The following COA1 variants were observed in gnomAD, a reference collection of about 807,000 sequenced individuals.
COA1 encodes the protein cytochrome c oxidase assembly factor 1.
A neutral mutation model predicts 16.0 loss-of-function variants in COA1; 13 were observed. That is an observed-to-expected ratio of 0.81 (90% CI 0.53 to 1.29). COA1 has a LOEUF of 1.29. COA1 is among the 50% of genes most tolerant of loss of function. The pLI, the probability that COA1 is intolerant of heterozygous loss-of-function variation, is 0.00. For synonymous variants in COA1, 65 were observed against 65.7 expected (o/e 0.99, Z 0.05); for missense variants, 179 against 177.0 (o/e 1.01, Z -0.06).
chr7:43,644,074 C>T (rs2087991191), intron 4 of COA1, among the ~76,000 whole-genome samples: 1 of 152,140 alleles, frequency 6.6e-6, no homozygotes, highest in South Asian at 2.1e-4. Flanking sequence ...TGTGCCTCCA[C>T]TGCCGTATCA....
chr7:43,674,408 C>A (rs1426036558), intron 1 of COA1, among the ~76,000 whole-genome samples: 1 of 152,138 alleles, frequency 6.6e-6, no homozygotes, highest in Non-Finnish European at 1.5e-5. Flanking sequence ...TCTCATGTTC[C>A]ATATAATACA....
intron 1 of COA1, among the ~76,000 whole-genome samples, chr7:43,689,799 GTATTACTTAAATGTAATGGCA>G (rs2094193877): frequency 6.6e-6 from 1 of 152,098 alleles, no homozygotes; most frequent in South Asian, 2.1e-4. Context: ...ATGAAATAGT[GTATTACTTAAATGTAATGGCA>G]TATTACTTAA....
intron 1 of COA1, among the ~76,000 whole-genome samples, chr7:43,700,590 A>ATGTGTGTG (rs1563415584): frequency 2.5e-4 from 11 of 44,512 alleles, no homozygotes; most frequent in African/African-American, 9.9e-4. Flanking sequence ...GTGTATATAT[A>ATGTGTGTG]CGTGTGTGTG....
chr7:43,661,903 A>T (rs1266217424), intron 1 of COA1, among the ~76,000 whole-genome samples: 1 of 152,236 alleles, frequency 6.6e-6, no homozygotes, highest in Non-Finnish European at 1.5e-5. Context: ...ATGAATATGA[A>T]TTTTTGTTAT....
chr7:43,663,687 A>AAAAAC (rs1554519874), intron 1 of COA1, among the ~76,000 whole-genome samples: 2 of 129,264 alleles, frequency 1.5e-5, no homozygotes, highest in Non-Finnish European at 3.4e-5. Context: ...AAAAAAAAAA[A>AAAAAC]ACACACACAC....
chr7:43,639,607 T>G lies in COA1; in HGVS notation c.416A>C (p.Asn139Thr), dbSNP rs775267037. The G allele has an allele frequency of 1.7e-5, 27 of 1,613,606 alleles. No homozygotes were observed. The highest frequency in any genetic ancestry group is 2.2e-5 in the Non-Finnish European group (26 of 1,179,772). Residue 139 changes from asparagine (N) to threonine (T), a missense_variant, in exon 6 of 6, where the codon AAC becomes ACC. By Grantham distance (65) the Asn-to-Thr change is moderately conservative. Transcript: ENST00000223336. ...CTACTCCTTTTTCACTTCATCACCG[T>G]TTTCCCCACTGAGCTTGAACACAGG... ...QIPVFKLSGE[N>T]GDEVKKE
intron 1 of COA1, among the ~76,000 whole-genome samples, chr7:43,717,399 G>C (rs569546729): frequency 9.1e-4 from 138 of 152,300 alleles, no homozygotes; most frequent in South Asian, 5.8e-3. Flanking sequence ...TTTAAAATTT[G>C]ACTGCCCCGC....
chr7:43,624,137 G>A (rs985147757), intron 6 of COA1, among the ~76,000 whole-genome samples: 10 of 152,056 alleles, frequency 6.6e-5, no homozygotes, highest in African/African-American at 2.4e-4. Context: ...AGTATAACAG[G>A]ATTTAAATAT....
At chr7:43,728,952 T>C (rs529718279) in intron 1 of COA1, among the ~76,000 whole-genome samples, 7 of 152,354 alleles carry the variant, frequency 4.6e-5, no homozygotes, top group South Asian at 2.1e-4. Flanking sequence ...AAAATCACTT[T>C]TGCAGTCAGC....
At chr7:43,682,965 C>T (rs2093837113) in intron 1 of COA1, among the ~76,000 whole-genome samples, 2 of 152,178 alleles carry the variant, frequency 1.3e-5, no homozygotes, top group African/African-American at 4.8e-5. Flanking sequence ...TCTTGTGCCT[C>T]AGCCTCCTGA....
At chr7:43,672,976 G>C (rs540810076) in intron 1 of COA1, among the ~76,000 whole-genome samples, 1 of 152,108 alleles carries the variant, frequency 6.6e-6, no homozygotes, top group African/African-American at 2.4e-5. Context: ...ACAGAAGATT[G>C]AAACTGGACT....
In COA1 at chr7:43,690,449, A is replaced by T. The variant is rs377268982; in HGVS notation, c.-39+38980T>A. On this transcript the variant is annotated intron_variant, in intron 1 of 5. Coordinates refer to ENST00000223336, the MANE Select transcript of COA1 (RefSeq NM_018224.4). ...TATATATACACACACACACATATAT[A>T]CACACACACACATATATGTATATAC... 6.1e-4 allele frequency among the ~76,000 whole-genome samples: 92 copies of T among 151,984 alleles called. 1 individual carries two copies. In the East Asian group the frequency reaches 8.9e-3, roughly 15 times the overall value.
intron 1 of COA1, among the ~76,000 whole-genome samples, chr7:43,661,375 G>A (rs994959727): frequency 2.0e-5 from 3 of 152,270 alleles, no homozygotes; most frequent in Non-Finnish European, 2.9e-5. Flanking sequence ...AGTGGCTCAC[G>A]CCTGTAATCC....
At chr7:43,620,450 A>G (rs1273651736) in intron 6 of COA1, among the ~76,000 whole-genome samples, 9 of 152,130 alleles carry the variant, frequency 5.9e-5, no homozygotes, top group Non-Finnish European at 8.8e-5. Context: ...CAAGGTGGGC[A>G]GATCACTTGA....
chr7:43,700,718 G>A (rs996287080), intron 1 of COA1, among the ~76,000 whole-genome samples: 1 of 151,412 alleles, frequency 6.6e-6, no homozygotes, highest in Non-Finnish European at 1.5e-5. Flanking sequence ...AAAACAAACT[G>A]GCAAATGTTG....
In COA1 at chr7:43,643,902, T is replaced by C. The variant is rs548638840; in HGVS notation, c.264+1349A>G. ...ATTAGAGCTGGGTCCATTAAGAACA[T>C]ACTAAAAATAACAAAAAATAATGTA... On this transcript the variant is annotated intron_variant, in intron 4 of 5. Transcript: ENST00000223336. Among the ~76,000 whole-genome samples, 5 of 152,306 alleles carry C rather than the reference T, an allele frequency of 3.3e-5. No individual in the cohort carries two copies. The East Asian group carries it at 9.6e-4, about 29-fold the overall frequency.
At chr7:43,707,314 G>A (rs531132648) in intron 1 of COA1, among the ~76,000 whole-genome samples, 4 of 152,214 alleles carry the variant, frequency 2.6e-5, no homozygotes, top group African/African-American at 9.6e-5. Context: ...AGATGGAGGA[G>A]GAGGAAGATC....
At chr7:43,658,703 A>G (rs1402492015) in intron 1 of COA1, 1 of 152,226 alleles carries the variant, frequency 6.6e-6, no homozygotes, top group Non-Finnish European at 1.5e-5. Flanking sequence ...AATAAATATC[A>G]TGACATACTA....
chr7:43,697,072 C>T (rs889416370), intron 1 of COA1, among the ~76,000 whole-genome samples: 2 of 150,572 alleles, frequency 1.3e-5, no homozygotes, highest in Non-Finnish European at 3.0e-5. Flanking sequence ...TGCAGTGAAT[C>T]GAGATCATGC....
Sources: gnomAD v4.1 joint callset for allele counts (sites outside exome capture counted in the v4.1 genomes callset) on GRCh38, gnomAD v4.1.1 for gene constraint, MANE v1.5 for transcripts, NCBI Gene and HGNC (gene_info 2026-07-23, HGNC 2026-07-21) for gene names.